ETS1: variants seen among roughly 807,000 people sequenced by gnomAD.
ETS1 encodes the protein ETS proto-oncogene 1, transcription factor.
ETS1 carries 15 observed loss-of-function variants against 58.6 expected under a neutral mutation model. That is an observed-to-expected ratio of 0.26 (90% CI 0.17 to 0.39). The LOEUF (loss-of-function observed/expected upper bound fraction) is 0.39. ETS1 is among the 10% of genes least tolerant of loss of function. The probability of loss-of-function intolerance (pLI) is 1.00; values close to 1 mark genes in which losing one functional copy is unlikely to be tolerated. For synonymous variants in ETS1, 214 were observed against 218.2 expected, an observed-to-expected ratio of 0.98 and a Z score of 0.17; for missense variants, 417 against 610.5, an observed-to-expected ratio of 0.68 and a Z score of 3.34.
chr11:128,581,295 AT>A (rs1378067012), intron 1 of ETS1, among the ~76,000 whole-genome samples: 1 of 152,156 alleles, frequency 6.6e-6, no homozygotes, highest in Admixed American at 6.5e-5. Flanking sequence ...AACCTTTGAA[AT>A]ACTAACAATC....
intron 3 of ETS1, among the ~76,000 whole-genome samples, chr11:128,514,446 A>T (rs8181551): frequency 0.41 from 61,691 of 151,786 alleles, 13,038 homozygotes; most frequent in East Asian, 0.66. Context: ...TTCATTCCAA[A>T]CTTGCAGCAT....
At chr11:128,559,975 CCCATCTCTG>C (rs1181676491) in intron 2 of ETS1, among the ~76,000 whole-genome samples, 21 of 152,314 alleles carry the variant, frequency 1.4e-4, no homozygotes, top group African/African-American at 4.8e-4. Context: ...AGCAACACTC[CCCATCTCTG>C]CCACATGTTT....
At position 128,585,043 on chromosome 11, in the gene ETS1, A is replaced by G. The variant is rs1430817457; in HGVS notation, c.-15+2445T>C. On this transcript the variant is annotated intron_variant, in intron 1 of 9. Coordinates refer to ENST00000392668, the MANE Select transcript of ETS1 (RefSeq NM_001143820.2). Reference sequence around the variant, plus strand: ...AAGAAGAAAGAAAGAAAAGAAAGAAAGAAAGAAAGAAAGAAAGAAAGAAAG... The same window carrying G: ...AAGAAGAAAGAAAGAAAAGAAAGAAGGAAAGAAAGAAAGAAAGAAAGAAAG... Among the ~76,000 whole-genome samples the G allele has an allele frequency of 4.0e-3, 90 of 22,386 alleles. 5 individuals carry two copies. Among genetic ancestry groups the G allele is most frequent in the Admixed American group, 7.3e-3 (18 of 2,480 alleles). 14.7% of individuals were successfully genotyped at this position (22,386 alleles called of 152,430 possible).
At chr11:128,553,777 C>G (rs936661347) in intron 3 of ETS1, among the ~76,000 whole-genome samples, 1 of 151,904 alleles carries the variant, frequency 6.6e-6, no homozygotes, top group African/African-American at 2.4e-5. Flanking sequence ...CCTTGATGGC[C>G]CCTCCTGTCA....
chr11:128,575,924 G>A (rs1470386972), intron 1 of ETS1, among the ~76,000 whole-genome samples: 1 of 152,226 alleles, frequency 6.6e-6, no homozygotes, highest in South Asian at 2.1e-4. Flanking sequence ...AAGATACCAA[G>A]GGTTTCTGTC....
chr11:128,511,751 T>C (rs1026179352), intron 3 of ETS1, among the ~76,000 whole-genome samples: 1 of 152,238 alleles, frequency 6.6e-6, no homozygotes, highest in Non-Finnish European at 1.5e-5. Flanking sequence ...TAGATACTCA[T>C]CGAATCAAAG....
At chr11:128,537,278 C>T (rs1708186959) in intron 3 of ETS1, among the ~76,000 whole-genome samples, 1 of 151,976 alleles carries the variant, frequency 6.6e-6, no homozygotes, top group African/African-American at 2.4e-5. Flanking sequence ...CCATAATTTA[C>T]CTGAGACATT....
At chr11:128,489,074 A>G (rs765529663) in intron 5 of ETS1, among the ~76,000 whole-genome samples, 5 of 152,302 alleles carry the variant, frequency 3.3e-5, no homozygotes, top group Non-Finnish European at 5.9e-5. Context: ...CTGAAGATTA[A>G]TATCTGAACC....
At chr11:128,503,925 G>T (rs1006985406) in intron 3 of ETS1, among the ~76,000 whole-genome samples, 2 of 152,118 alleles carry the variant, frequency 1.3e-5, no homozygotes, top group African/African-American at 4.8e-5. Context: ...ATACCAGCAC[G>T]CCAGCTAAAC....
intron 3 of ETS1, among the ~76,000 whole-genome samples, chr11:128,533,103 G>A (rs1233915383): frequency 6.6e-6 from 1 of 152,158 alleles, no homozygotes; most frequent in African/African-American, 2.4e-5. Context: ...CAATGTTGGT[G>A]AGTTTGTTCA....
In ETS1 at chr11:128,490,581, A is replaced by G; in HGVS notation, c.215-5T>C. On this transcript the variant is annotated splice_polypyrimidine_tract_variant and splice_region_variant and intron_variant, in intron 3 of 9. Transcript: ENST00000392668. The stretch of plus-strand genomic sequence containing the variant: ...GGACATCTGCACATTCCATATCTGC[A>G]TGAAAAAATTGCATATGAATAACAA... 1 of 1,609,380 alleles carries G rather than the reference A, an allele frequency of 6.2e-7. No homozygotes were observed. Among genetic ancestry groups the G allele is most frequent in the Non-Finnish European group, 8.5e-7 (1 of 1,176,226 alleles).
intron 2 of ETS1, among the ~76,000 whole-genome samples, chr11:128,561,216 G>A (rs1260633652): frequency 6.6e-6 from 1 of 152,112 alleles, no homozygotes; most frequent in Non-Finnish European, 1.5e-5. Flanking sequence ...GCAGGAATCT[G>A]GCCTCAGGAG....
chr11:128,462,734 G>A (rs545027507), intron 9 of ETS1, among the ~76,000 whole-genome samples, 158 bp from the exon 10 acceptor site: 3 of 152,122 alleles, frequency 2.0e-5, no homozygotes, highest in South Asian at 2.1e-4. Context: ...AATATTTTTC[G>A]GGCCTATCTC....
intron 3 of ETS1, among the ~76,000 whole-genome samples, chr11:128,534,379 C>T (rs1863942278): frequency 1.3e-5 from 2 of 152,106 alleles, no homozygotes; most frequent in Admixed American, 1.3e-4. Flanking sequence ...TGCTCATAGA[C>T]CTCAAAATTA....
chr11:128,473,174 G>A (rs762136523), intron 8 of ETS1, among the ~76,000 whole-genome samples: 14 of 152,182 alleles, frequency 9.2e-5, no homozygotes, highest in Non-Finnish European at 1.8e-4. Context: ...ATCTGGGATT[G>A]AGCTAAATAA....
chr11:128,561,618 T>C (rs779472824), intron 2 of ETS1, among the ~76,000 whole-genome samples: 1 of 152,126 alleles, frequency 6.6e-6, no homozygotes, highest in Admixed American at 6.5e-5. Flanking sequence ...TTGGATGTGT[T>C]TTAAAGGAAA....
chr11:128,496,193 A>G (rs28515918), intron 3 of ETS1, among the ~76,000 whole-genome samples: 341 of 152,264 alleles, frequency 2.2e-3, no homozygotes, highest in African/African-American at 7.8e-3. Flanking sequence ...ATCTAGGTCT[A>G]TATTTCATGC....
chr11:128,540,417 C>T (rs906216032), intron 3 of ETS1, among the ~76,000 whole-genome samples: 1 of 150,960 alleles, frequency 6.6e-6, no homozygotes, highest in African/African-American at 2.4e-5. Flanking sequence ...CAGAACTGTA[C>T]ACTTTAAATA....
At chr11:128,559,047 G>A (rs1351991559) in intron 2 of ETS1, among the ~76,000 whole-genome samples, 2 of 152,130 alleles carry the variant, frequency 1.3e-5, no homozygotes, top group Admixed American at 1.3e-4. Flanking sequence ...GTCTTCTTTT[G>A]GGACAGCATG....
Sources: allele counts gnomAD v4.1 joint callset (sites outside exome capture counted in the v4.1 genomes callset), GRCh38; gene constraint gnomAD v4.1.1; transcripts MANE v1.5; gene names NCBI Gene and HGNC (gene_info 2026-07-23, HGNC 2026-07-21).